AFDN: variants seen among roughly 807,000 people sequenced by gnomAD.
AFDN encodes afadin, adherens junction formation factor, also known as afadin.
In AFDN, 68 loss-of-function variants were observed where a neutral mutation model predicts 216.6. The observed-to-expected ratio is 0.31, with a 90% CI of 0.26 to 0.38. The LOEUF (loss-of-function observed/expected upper bound fraction) is 0.38, where lower values mean the gene tolerates loss of function less well. Ranked by LOEUF, AFDN falls within the 10% of genes least tolerant of loss-of-function variation. AFDN has a pLI of 1.00. For missense variants in AFDN, 2,136 were observed against 2,342.0 expected, an observed-to-expected ratio of 0.91 and a Z score of 1.82; for synonymous variants, 868 against 853.7, an observed-to-expected ratio of 1.02 and a Z score of -0.29.
intron 23 of AFDN, among the ~76,000 whole-genome samples, chr6:167,942,126 G>GA (rs1392162469): frequency 1.3e-5 from 2 of 152,174 alleles, no homozygotes; most frequent in Non-Finnish European, 2.9e-5. Context: ...AGGGAGTCAG[G>GA]ATCAACAGTG....
At chr6:167,949,853 C>CACA (rs566416529) in intron 29 of AFDN, among the ~76,000 whole-genome samples, 70,530 of 151,626 alleles carry the variant, frequency 0.47, 16,929 homozygotes, top group East Asian at 0.79. Context: ...GTTTCTACCT[C>CACA]ACATGGATAA....
intron 30 of AFDN, among the ~76,000 whole-genome samples, chr6:167,955,129 ATCTT>A (rs1245587591): frequency 6.6e-6 from 1 of 152,144 alleles, no homozygotes; most frequent in African/African-American, 2.4e-5. Context: ...TGCGTATGGT[ATCTT>A]TATCACCTGC....
chr6:167,913,340 A>C (rs562522723), intron 15 of AFDN, 63 bp from the exon 16 acceptor site: 6 of 1,484,790 alleles, frequency 4.0e-6, no homozygotes, highest in Non-Finnish European at 5.5e-6. Flanking sequence ...TTAAACTATC[A>C]TGATTGTTTA....
rs566372291 is a variant in AFDN, at chr6:167,882,461, G to A, written c.897+1944G>A. 8.6e-4 allele frequency among the ~76,000 whole-genome samples: 125 copies of A among 146,110 alleles called. 2 individuals carry two copies. Among genetic ancestry groups the A allele is most frequent in the African/African-American group, 2.9e-3 (113 of 39,252 alleles). ...TTGAGACAAGGCTGGTCAACATTGC[G>A]AAACCTTGTCTCTACTAAAACTACA... On this transcript the variant is annotated intron_variant, in intron 6 of 33. Transcript: ENST00000683244.
intron 23 of AFDN, among the ~76,000 whole-genome samples, chr6:167,930,945 TAGTA>T (rs1562694670): frequency 6.6e-6 from 1 of 152,168 alleles, no homozygotes; most frequent in Non-Finnish European, 1.5e-5. Flanking sequence ...AACCAGAGAC[TAGTA>T]AGTAAGTTGT....
intron 16 of AFDN, 91 bp from the exon 17 acceptor site, chr6:167,914,077 C>CT: frequency 1.4e-6 from 2 of 1,406,666 alleles, no homozygotes; most frequent in African/African-American, 1.4e-5. Context: ...AGGTACTGGT[C>CT]TATCTTCAGC....
At chr6:167,869,501 G>A (rs1036779891) in intron 2 of AFDN, among the ~76,000 whole-genome samples, 2 of 152,190 alleles carry the variant, frequency 1.3e-5, no homozygotes, top group Non-Finnish European at 2.9e-5. Context: ...GGATTTCTCC[G>A]AGCGACAAGG....
chr6:167,926,687 C>T (rs774658307), intron 23 of AFDN, among the ~76,000 whole-genome samples: 18 of 152,192 alleles, frequency 1.2e-4, no homozygotes, highest in South Asian at 8.3e-4. Context: ...CCTCCCACTT[C>T]GGCCTCCCAA....
rs1439875677 is a variant in AFDN, at chr6:167,951,768, G to A, written c.4414G>A (p.Glu1472Lys). 2 of 1,614,102 alleles carry A rather than the reference G, an allele frequency of 1.2e-6. No homozygotes were observed. The highest frequency in any genetic ancestry group is 1.1e-5 in the South Asian group (1 of 91,072). The change falls in exon 30 of 34, where the codon GAA becomes AAA. Residue 1472 changes from glutamate (E) to lysine (K), a missense_variant. Physicochemically the swap from Glu to Lys is moderately conservative, Grantham distance 56. Around this residue, in one of 8 missense-constraint regions of AFDN, gnomAD observed 981 missense variants for 966.0 expected, o/e 1.02. Coordinates refer to ENST00000683244, the MANE Select transcript of AFDN (RefSeq NM_001386888.1). This position sits in a 1 kb window ranked among gnomAD's most constrained non-coding sequence, Gnocchi z 7.1. ...SPLTAQQMKP[E>K]KPSTLQRPQE... ...CCTGACTGCACAGCAGATGAAGCCC[G>A]AAAAGCCTTCCACACTCCAGCGGCC...
chr6:167,828,992 C>G (rs1779531706), intron 1 of AFDN, among the ~76,000 whole-genome samples: 1 of 151,758 alleles, frequency 6.6e-6, no homozygotes, highest in Admixed American at 6.6e-5. Flanking sequence ...TAAAATTGGC[C>G]TGTCATTTGG....
Position 167,827,230 on chromosome 6 carries a change from C to G in AFDN, c.98C>G (p.Pro33Arg). 1 of 1,206,358 alleles carries G rather than the reference C, an allele frequency of 8.3e-7. No individual in the cohort carries two copies. Among genetic ancestry groups the G allele is most frequent in the Non-Finnish European group, 1.1e-6 (1 of 940,110 alleles). 74.7% of individuals were successfully genotyped at this position (1,206,358 alleles called of 1,614,324 possible). The change falls in exon 1 of 34, where the codon CCG becomes CGG. Residue 33 changes from proline to arginine, a missense_variant. Pro to Arg is a moderately radical substitution (Grantham distance 103). This residue lies in a region of AFDN where 81 missense variants were observed against 51.2 expected (regional missense o/e 1.58). Transcript: ENST00000683244. ...NRLDLFEISQ[P>R]TEDLEFHGVM... is the part of the protein sequence containing the mutation. ...CTGGACCTGTTCGAGATCAGCCAGCCGACCGAGGTGAGCACCGCCGGGCGC... is the reference window on the plus strand; with the variant it reads ...CTGGACCTGTTCGAGATCAGCCAGCGGACCGAGGTGAGCACCGCCGGGCGC...
chr6:167,841,934 CT>C (rs772619353), intron 1 of AFDN, among the ~76,000 whole-genome samples: 1 of 151,810 alleles, frequency 6.6e-6, no homozygotes, highest in Non-Finnish European at 1.5e-5. Flanking sequence ...TTCTTCTTAC[CT>C]CCCATTCACT....
intron 23 of AFDN, among the ~76,000 whole-genome samples, chr6:167,925,491 T>C (rs950328141): frequency 1.3e-5 from 2 of 152,078 alleles, no homozygotes; most frequent in Non-Finnish European, 2.9e-5. Context: ...TTTCTCAGAC[T>C]CCAGTGCACA....
intron 23 of AFDN, 24 bp from the exon 24 acceptor site, chr6:167,943,105 G>T (rs779534446): frequency 1.7e-5 from 27 of 1,607,342 alleles, no homozygotes; most frequent in Non-Finnish European, 2.0e-5. Flanking sequence ...TCAATGCAGT[G>T]TTTTCGCCTT....
intron 23 of AFDN, among the ~76,000 whole-genome samples, chr6:167,942,564 T>C (rs1166163471): frequency 6.6e-6 from 1 of 152,168 alleles, no homozygotes; most frequent in African/African-American, 2.4e-5. Flanking sequence ...TAAGTCTATG[T>C]AACAGAATTT....
rs997129416 is a variant in AFDN at position 167,827,050 on chromosome 6, G to A, written c.-83G>A. The A allele has an allele frequency of 1.0e-5, 6 of 600,772 alleles. No individual in the cohort carries two copies. The highest frequency in any genetic ancestry group is 1.3e-5 in the Non-Finnish European group (6 of 476,062). 37.2% of individuals were successfully genotyped at this position (600,772 alleles called of 1,614,324 possible). On this transcript the variant is annotated 5_prime_UTR_variant, in exon 1 of 34. Coordinates refer to ENST00000683244, the MANE Select transcript of AFDN (RefSeq NM_001386888.1). ...AGGCGGCCGGCGGGGGGTGGCGAGG[G>A]GCGCCGGGCCCCCGCGGACCTGTCG...
intron 1 of AFDN, among the ~76,000 whole-genome samples, chr6:167,860,159 C>CTTTTTTTTTTT (rs370176215): frequency 5.0e-5 from 4 of 79,404 alleles, no homozygotes; most frequent in African/African-American, 1.9e-4. Context: ...TACAGCAATG[C>CTTTTTTTTTTT]TTTTTTTTTT....
intron 30 of AFDN, among the ~76,000 whole-genome samples, chr6:167,957,463 C>T (rs1796631581): frequency 6.6e-6 from 1 of 152,124 alleles, no homozygotes; most frequent in Non-Finnish European, 1.5e-5. Context: ...TGACTGTTAG[C>T]ATCTCAAGAG....
chr6:167,951,168 T>A lies in AFDN; in HGVS notation c.3832-18T>A, dbSNP rs779344305. The stretch of plus-strand genomic sequence containing the variant: ...CTAGTAAATGGCTGAAATATAATAA[T>A]TCTTTTTCTTTTTGCAGCGTGTTAC... On this transcript the variant is annotated intron_variant, in intron 29 of 33. Transcript: ENST00000683244. The surrounding 1 kb of genome is among the most constrained non-coding windows in gnomAD (Gnocchi z 7.1). The A allele has an allele frequency of 1.1e-5, 17 of 1,517,658 alleles. No individual in the cohort carries two copies. The South Asian group carries it at 2.3e-4, about 20-fold the overall frequency. The allele number at this position is 1,517,658 out of a possible 1,614,324, so 94.0% of individuals were successfully genotyped here.
Sources: allele counts gnomAD v4.1 joint callset (sites outside exome capture counted in the v4.1 genomes callset), GRCh38; gene constraint gnomAD v4.1.1; regional missense constraint gnomAD v4.1.1; non-coding constraint Gnocchi (gnomAD v3.1); transcripts MANE v1.5; gene names NCBI Gene and HGNC (gene_info 2026-07-23, HGNC 2026-07-21).